The following ROBO2 variants were observed in gnomAD, a reference collection of about 807,000 sequenced individuals.
The protein encoded by ROBO2 is roundabout homolog 2.
ROBO2 carries 53 observed loss-of-function variants against 160.8 expected under a neutral mutation model. The observed-to-expected ratio is 0.33, with a 90% CI of 0.26 to 0.41. The LOEUF (loss-of-function observed/expected upper bound fraction) is 0.41, where lower values mean the gene tolerates loss of function less well. ROBO2 is among the 10% of genes least tolerant of loss of function. ROBO2 has a pLI of 1.00. For synonymous variants in ROBO2, 664 were observed against 611.7 expected (o/e 1.09, Z -1.26); for missense variants, 1,577 against 1,722.4 (o/e 0.92, Z 1.49).
At chr3:77,355,622 C>A (rs148397693) in intron 2 of ROBO2, among the ~76,000 whole-genome samples, 64 of 152,100 alleles carry the variant, frequency 4.2e-4, no homozygotes, top group African/African-American at 1.5e-3. Context: ...AGATAATTTT[C>A]TACTTAGGAA....
chr3:77,371,339 A>G (rs2071721195), intron 2 of ROBO2, among the ~76,000 whole-genome samples: 1 of 152,174 alleles, frequency 6.6e-6, no homozygotes. Flanking sequence ...AAATCTCTAC[A>G]TTCAAAGTCT....
chr3:76,603,235 G>T (rs1012629952), intron 2 of ROBO2, among the ~76,000 whole-genome samples: 1 of 150,138 alleles, frequency 6.7e-6, no homozygotes, highest in Non-Finnish European at 1.5e-5. Flanking sequence ...AGGAGGCTGA[G>T]GCAGGAGAAT....
chr3:76,919,459 C>CA (rs1401663167), intron 2 of ROBO2, among the ~76,000 whole-genome samples: 1 of 152,080 alleles, frequency 6.6e-6, no homozygotes, highest in Admixed American at 6.6e-5. Context: ...TCATATAAAT[C>CA]AATTTCATGT....
At chr3:76,387,235 TC>T (rs2076935399) in intron 2 of ROBO2, among the ~76,000 whole-genome samples, 1 of 152,114 alleles carries the variant, frequency 6.6e-6, no homozygotes, top group Non-Finnish European at 1.5e-5. Flanking sequence ...CACCTCCCAA[TC>T]CTGTTGGGTT....
intron 2 of ROBO2, among the ~76,000 whole-genome samples, chr3:77,288,989 T>C (rs2153383093): frequency 6.6e-6 from 1 of 152,288 alleles, no homozygotes; most frequent in African/African-American, 2.4e-5. Flanking sequence ...TTGTATGTGT[T>C]ATGACTTTAA....
chr3:77,602,208 A>G lies in ROBO2; in HGVS notation c.2855-2A>G. ...TGTTTCATTTCCCTATGTTCACCAC[A>G]GATGTGCTGCCACCAGTTCCAGGCC... is the stretch of plus-strand genomic sequence containing the variant. On this transcript the variant is annotated splice_acceptor_variant, in intron 19 of 25. Coordinates refer to ENST00000461745, the Ensembl canonical transcript of ROBO2. LOFTEE classifies it high-confidence loss of function. 6.2e-7 allele frequency: 1 copy of G among 1,614,156 alleles called. No individual in the cohort carries two copies. Among genetic ancestry groups the G allele is most frequent in the Non-Finnish European group, 8.5e-7 (1 of 1,180,020 alleles).
chr3:77,441,502 A>G (rs1206510503), intron 2 of ROBO2, among the ~76,000 whole-genome samples: 2 of 152,156 alleles, frequency 1.3e-5, no homozygotes, highest in Non-Finnish European at 2.9e-5. Context: ...AACGTTACTT[A>G]AAAATCCTTT....
intron 2 of ROBO2, among the ~76,000 whole-genome samples, chr3:76,818,360 ATTTG>A (rs2065863733): frequency 1.3e-5 from 2 of 149,934 alleles, no homozygotes; most frequent in East Asian, 2.0e-4. Flanking sequence ...TTTCTTGATG[ATTTG>A]TTTGTGTTTT....
At chr3:76,837,315 T>G (rs1209115018) in intron 2 of ROBO2, among the ~76,000 whole-genome samples, 1 of 151,934 alleles carries the variant, frequency 6.6e-6, no homozygotes, top group Admixed American at 6.6e-5. Context: ...TTCACTAATA[T>G]GTTAACTGGC....
chr3:76,394,167 T>C (rs2077301373), intron 2 of ROBO2, among the ~76,000 whole-genome samples: 1 of 152,152 alleles, frequency 6.6e-6, no homozygotes, highest in South Asian at 2.1e-4. Flanking sequence ...GATCCTGTCA[T>C]TATGATATTA....
intron 2 of ROBO2, among the ~76,000 whole-genome samples, chr3:76,532,622 T>C (rs1252490111): frequency 6.6e-6 from 1 of 152,178 alleles, no homozygotes; most frequent in Non-Finnish European, 1.5e-5. Context: ...CATCTCAAAT[T>C]AGGCAACCGT....
At chr3:76,710,246 G>A (rs1021668437) in intron 2 of ROBO2, among the ~76,000 whole-genome samples, 3 of 151,744 alleles carry the variant, frequency 2.0e-5, no homozygotes, top group African/African-American at 4.8e-5. Context: ...TCAGCCTCCC[G>A]AGTAGCTGGG....
chr3:76,985,521 G>T (rs1559802056), intron 2 of ROBO2, among the ~76,000 whole-genome samples: 1 of 129,362 alleles, frequency 7.7e-6, no homozygotes, highest in Non-Finnish European at 1.6e-5. Context: ...GGCGGAGCTT[G>T]CAGTGAGCCA....
chr3:76,967,177 C>T (rs1455996154), intron 2 of ROBO2, among the ~76,000 whole-genome samples: 1 of 151,782 alleles, frequency 6.6e-6, no homozygotes, highest in Non-Finnish European at 1.5e-5. Flanking sequence ...AGTTAGTACA[C>T]TGGCACAAGC....
At chr3:76,884,680 T>C (rs1479624158) in intron 2 of ROBO2, among the ~76,000 whole-genome samples, 1 of 152,206 alleles carries the variant, frequency 6.6e-6, no homozygotes, top group Non-Finnish European at 1.5e-5. Flanking sequence ...CTAGAGCTGT[T>C]TCAATATTTT....
At chr3:77,446,513 G>A (rs2080532383) in intron 2 of ROBO2, among the ~76,000 whole-genome samples, 1 of 151,978 alleles carries the variant, frequency 6.6e-6, no homozygotes, top group East Asian at 1.9e-4. Context: ...TATCCATATT[G>A]TTTTCATCAT....
At chr3:76,302,533 A>G (rs902865767) in intron 2 of ROBO2, among the ~76,000 whole-genome samples, 1 of 152,104 alleles carries the variant, frequency 6.6e-6, no homozygotes, top group Non-Finnish European at 1.5e-5. Context: ...TGCACTGCAC[A>G]ATGACGTTTT....
chr3:76,713,696 G>T (rs2093336324), intron 2 of ROBO2, among the ~76,000 whole-genome samples: 1 of 152,070 alleles, frequency 6.6e-6, no homozygotes, highest in South Asian at 2.1e-4. Context: ...TGCTTTACAT[G>T]TTTCTACTTC....
chr3:76,224,898 G>C (rs1337531341), intron 2 of ROBO2, among the ~76,000 whole-genome samples: 3 of 152,152 alleles, frequency 2.0e-5, no homozygotes, highest in Middle Eastern at 3.4e-3. Context: ...CCCTGACCAG[G>C]AAAGTCAAAA....
Sources: gnomAD v4.1 joint callset for allele counts (sites outside exome capture counted in the v4.1 genomes callset) on GRCh38, gnomAD v4.1.1 for gene constraint, MANE v1.5 for transcripts, NCBI Gene and HGNC (gene_info 2026-07-23, HGNC 2026-07-21) for gene names.